The following ZBTB7C variants were observed in gnomAD, a reference collection of about 807,000 sequenced individuals.
ZBTB7C encodes zinc finger and BTB domain-containing protein 7C.
In ZBTB7C, 8 loss-of-function variants were observed where a neutral mutation model predicts 25.7. The observed-to-expected ratio is 0.31, with a 90% CI of 0.18 to 0.56. The LOEUF (loss-of-function observed/expected upper bound fraction) is 0.56, where lower values mean the gene tolerates loss of function less well. ZBTB7C is among the 20% of genes least tolerant of loss of function. The pLI, the probability that ZBTB7C is intolerant of heterozygous loss-of-function variation, is 0.91. For missense variants in ZBTB7C, 824 were observed against 855.2 expected (o/e 0.96, Z 0.46); for synonymous variants, 394 against 369.0 (o/e 1.07, Z -0.78).
At chr18:48,393,048 G>A (rs553994360) in intron 1 of ZBTB7C, among the ~76,000 whole-genome samples, 1 of 152,216 alleles carries the variant, frequency 6.6e-6, no homozygotes, top group Non-Finnish European at 1.5e-5. Flanking sequence ...GTGAGAACTG[G>A]AAGTGGTTTT....
At chr18:48,225,944 T>C (rs1045807592) in intron 2 of ZBTB7C, among the ~76,000 whole-genome samples, 2 of 152,164 alleles carry the variant, frequency 1.3e-5, no homozygotes, top group African/African-American at 4.8e-5. Context: ...GGTTTCACCA[T>C]GTTGGGCAGG....
intron 1 of ZBTB7C, among the ~76,000 whole-genome samples, chr18:48,382,726 C>T (rs1273695982): frequency 1.3e-5 from 2 of 152,182 alleles, no homozygotes; most frequent in African/African-American, 4.8e-5. Context: ...ATTTGCCCTA[C>T]TAAGTATGCA....
chr18:48,312,916 G>A (rs931501480), intron 2 of ZBTB7C, among the ~76,000 whole-genome samples: 1 of 152,190 alleles, frequency 6.6e-6, no homozygotes, highest in Non-Finnish European at 1.5e-5. Context: ...TCAATACATC[G>A]TAACTGATTC....
At chr18:48,129,971 C>T (rs1288262633) in intron 3 of ZBTB7C, among the ~76,000 whole-genome samples, 3 of 152,154 alleles carry the variant, frequency 2.0e-5, no homozygotes, top group Non-Finnish European at 4.4e-5. Context: ...AGGAGGAGGG[C>T]GGTCTCTGGC....
chr18:48,266,969 T>C (rs964608627), intron 2 of ZBTB7C, among the ~76,000 whole-genome samples: 1 of 152,200 alleles, frequency 6.6e-6, no homozygotes, highest in Non-Finnish European at 1.5e-5. Flanking sequence ...CCCATTCCTT[T>C]AAAGGATTAC....
At chr18:48,185,061 T>A (rs2042023422) in intron 3 of ZBTB7C, among the ~76,000 whole-genome samples, 1 of 152,156 alleles carries the variant, frequency 6.6e-6, no homozygotes, top group African/African-American at 2.4e-5. Context: ...ATTCTTTGCA[T>A]CTGGACCATT....
At chr18:48,082,044 T>C (rs988327447) in intron 3 of ZBTB7C, among the ~76,000 whole-genome samples, 3 of 152,218 alleles carry the variant, frequency 2.0e-5, no homozygotes, top group Non-Finnish European at 4.4e-5. Flanking sequence ...AATATTTCTA[T>C]AGGACAGTGT....
intron 3 of ZBTB7C, among the ~76,000 whole-genome samples, chr18:48,059,342 T>C (rs370585785): frequency 6.6e-6 from 1 of 152,050 alleles, no homozygotes; most frequent in Non-Finnish European, 1.5e-5. Context: ...AGCTTCCTAT[T>C]TGCAAACAGA....
rs2035611466 is a variant in ZBTB7C at position 48,029,037 on chromosome 18, C to T, written c.*223G>A. ...AGCCAGAGAGACAGGGAGGGAGGCC[C>T]GGGCTCCTGGCCTTTTGGGAAAAGA... is the stretch of plus-strand genomic sequence containing the variant. On this transcript the variant is annotated 3_prime_UTR_variant, in exon 5 of 5. Coordinates refer to ENST00000590800, the MANE Select transcript of ZBTB7C (RefSeq NM_001318841.2). 8.4e-6 allele frequency: 5 copies of T among 596,962 alleles called. No individual in the cohort carries two copies. The highest frequency in any genetic ancestry group is 7.0e-5 in the East Asian group (2 of 28,560). 37.0% of individuals were successfully genotyped at this position (596,962 alleles called of 1,614,324 possible).
chr18:48,182,069 C>G lies in ZBTB7C; in HGVS notation c.-17+3865G>C, dbSNP rs2041939894. Among the ~76,000 whole-genome samples the G allele has an allele frequency of 2.0e-5, 3 of 152,184 alleles. No individual in the cohort carries two copies. In the South Asian group the frequency reaches 6.2e-4, roughly 32 times the overall value. On this transcript the variant is annotated intron_variant, in intron 3 of 4. Transcript: ENST00000590800. ...AGGCCATTATTCTGTGTCCTGCAAA[C>G]TCTGTGCAGTGATAAGGAAACTCCA...
intron 3 of ZBTB7C, among the ~76,000 whole-genome samples, chr18:48,097,586 G>A (rs1210532041): frequency 1.3e-5 from 2 of 152,032 alleles, no homozygotes; most frequent in East Asian, 1.9e-4. Context: ...TAGTAGACAC[G>A]GGGTTTCACC....
chr18:48,298,804 G>A (rs2045468465), intron 2 of ZBTB7C, among the ~76,000 whole-genome samples: 1 of 152,084 alleles, frequency 6.6e-6, no homozygotes, highest in Admixed American at 6.5e-5. Context: ...GTCTCCTCTG[G>A]GCTCTGCAGA....
At chr18:48,367,206 C>T (rs74504029) in intron 1 of ZBTB7C, among the ~76,000 whole-genome samples, 9,682 of 47,312 alleles carry the variant, frequency 0.2, 1,046 homozygotes, top group Non-Finnish European at 0.26. Context: ...TATATATACA[C>T]ACACACACAC....
chr18:48,029,822 T>C lies in ZBTB7C; in HGVS notation c.1298A>G (p.Tyr433Cys), dbSNP rs758278810. Reference sequence around the variant, plus strand: ...GATGCGCATGTGGTTCTTGAGGTCGTAGTTGTGCACGAACTTGGCGTTGCA... The same window carrying C: ...GATGCGCATGTGGTTCTTGAGGTCGCAGTTGTGCACGAACTTGGCGTTGCA... ...IHCNAKFVHN[Y>C]DLKNHMRIHT... Residue 433 changes from tyrosine (Y) to cysteine (C), a missense_variant, in exon 5 of 5, where the codon TAC becomes TGC. This residue lies in a region of ZBTB7C where 342 missense variants were observed against 307.0 expected (regional missense o/e 1.11). Transcript: ENST00000590800. 7 of 1,609,692 alleles carry C rather than the reference T, an allele frequency of 4.3e-6. No homozygotes were observed. Among genetic ancestry groups the C allele is most frequent in the Non-Finnish European group, 5.9e-6 (7 of 1,179,990 alleles).
chr18:48,406,301 AC>A (rs1284232201), intron 1 of ZBTB7C, among the ~76,000 whole-genome samples: 1 of 151,286 alleles, frequency 6.6e-6, no homozygotes, highest in Admixed American at 6.6e-5. Flanking sequence ...ACTCCTTCAT[AC>A]CCCCTTCACA....
At chr18:48,311,712 A>G (rs1210142410) in intron 2 of ZBTB7C, among the ~76,000 whole-genome samples, 2 of 152,188 alleles carry the variant, frequency 1.3e-5, no homozygotes, top group Non-Finnish European at 2.9e-5. Flanking sequence ...CTTGAAGGGA[A>G]GTCCTAGGAC....
intron 3 of ZBTB7C, among the ~76,000 whole-genome samples, chr18:48,065,251 T>A (rs533106989): frequency 6.6e-6 from 1 of 152,310 alleles, no homozygotes; most frequent in African/African-American, 2.4e-5. Flanking sequence ...TATTTGCAAC[T>A]ATGAACTTTG....
intron 1 of ZBTB7C, among the ~76,000 whole-genome samples, chr18:48,378,811 T>G (rs186770813): frequency 2.6e-5 from 4 of 152,170 alleles, no homozygotes; most frequent in African/African-American, 9.6e-5. Context: ...AAATTAAAAA[T>G]ATAATAAATG....
chr18:48,224,185 A>G (rs541358057), intron 2 of ZBTB7C, among the ~76,000 whole-genome samples: 2 of 152,326 alleles, frequency 1.3e-5, no homozygotes, highest in South Asian at 2.1e-4. Context: ...GCTGAACCCA[A>G]TTTCTAAGTG....
Sources: allele counts gnomAD v4.1 joint callset (sites outside exome capture counted in the v4.1 genomes callset), GRCh38; gene constraint gnomAD v4.1.1; regional missense constraint gnomAD v4.1.1; transcripts MANE v1.5; gene names NCBI Gene and HGNC (gene_info 2026-07-23, HGNC 2026-07-21).